KIAA0319L: variants seen among roughly 807,000 people sequenced by gnomAD.
The protein encoded by KIAA0319L is KIAA0319 like, also known as dyslexia-associated protein KIAA0319-like protein.
In KIAA0319L, 55 loss-of-function variants were observed where a neutral mutation model predicts 120.1. That is an observed-to-expected ratio of 0.46 (90% CI 0.37 to 0.57). The LOEUF (loss-of-function observed/expected upper bound fraction) is 0.57. Ranked by LOEUF, KIAA0319L falls within the 20% of genes least tolerant of loss-of-function variation. The pLI is 0.00. For synonymous variants in KIAA0319L, 398 were observed against 471.9 expected, an observed-to-expected ratio of 0.84 and a Z score of 2.03; for missense variants, 1,049 against 1,255.3, an observed-to-expected ratio of 0.84 and a Z score of 2.48.
chr1:35,435,432 A>C, intron 20 of KIAA0319L: 1 of 196,256 alleles, frequency 5.1e-6, no homozygotes, highest in Non-Finnish European at 1.0e-5. Flanking sequence ...GGGTGGAATG[A>C]CATGGTAGGC....
At chr1:35,542,512 T>C (rs6702503) in intron 2 of KIAA0319L, among the ~76,000 whole-genome samples, 35,090 of 152,058 alleles carry the variant, frequency 0.23, 8,635 homozygotes, top group African/African-American at 0.58. Context: ...ACCTTAACCA[T>C]ATGGGCTTTT....
intron 2 of KIAA0319L, among the ~76,000 whole-genome samples, chr1:35,551,954 T>C (rs1197086723): frequency 1.3e-5 from 2 of 152,076 alleles, no homozygotes; most frequent in African/African-American, 2.4e-5. Context: ...AAGTGCTAGA[T>C]TGGAAAGCAC....
chr1:35,440,798 C>T, intron 20 of KIAA0319L: 1 of 514,110 alleles, frequency 1.9e-6, no homozygotes, highest in Admixed American at 3.2e-5. Flanking sequence ...AGGAGAATGC[C>T]CAGGCAAAGG....
At chr1:35,528,113 G>C (rs1646225115) in intron 2 of KIAA0319L, among the ~76,000 whole-genome samples, 1 of 152,092 alleles carries the variant, frequency 6.6e-6, no homozygotes, top group African/African-American at 2.4e-5. Flanking sequence ...TTTGGAGACA[G>C]GGTCTAACTC....
At chr1:35,440,934 A>T in intron 20 of KIAA0319L, 113 bp downstream of exon 20, 1 of 878,182 alleles carries the variant, frequency 1.1e-6, no homozygotes, top group South Asian at 1.4e-5. Flanking sequence ...AGGGAACAAA[A>T]TGCTTTGCAA....
rs138233952 is a variant in KIAA0319L, at chr1:35,502,421, G to GTCATCA, written c.666+4185_666+4190dup. On this transcript the variant is annotated intron_variant, in intron 3 of 20. Coordinates refer to ENST00000325722, the MANE Select transcript of KIAA0319L (RefSeq NM_024874.5). ...TCAGTAAACATCAGTTATTGCTGCT[G>GTCATCA]TCATCATCATCATCATCATCATCAT... is the stretch of plus-strand genomic sequence containing the variant. Among the ~76,000 whole-genome samples the GTCATCA allele has an allele frequency of 2.3e-3, 346 of 149,936 alleles. 1 individual carries two copies. The highest frequency in any genetic ancestry group is 6.0e-3 in the East Asian group (30 of 5,004).
intron 10 of KIAA0319L, chr1:35,454,693 C>T: frequency 1.6e-6 from 2 of 1,250,664 alleles, no homozygotes; most frequent in African/African-American, 1.5e-5. Context: ...GGAAACAACC[C>T]TCTCTGACAC....
intron 2 of KIAA0319L, 61 bp from the exon 3 acceptor site, chr1:35,507,196 A>T (rs1306988065): frequency 2.7e-6 from 4 of 1,466,166 alleles, no homozygotes; most frequent in Non-Finnish European, 2.7e-6. Flanking sequence ...CTGCTCCATA[A>T]AGAGCCCTGA....
chr1:35,525,560 T>TG (rs1327594705), intron 2 of KIAA0319L, among the ~76,000 whole-genome samples: 23 of 152,362 alleles, frequency 1.5e-4, no homozygotes, highest in African/African-American at 5.3e-4. Context: ...GGTAAGATGA[T>TG]ATCTCATTGT....
chr1:35,493,945 C>T (rs1644698567), intron 3 of KIAA0319L, among the ~76,000 whole-genome samples: 1 of 152,152 alleles, frequency 6.6e-6, no homozygotes. Flanking sequence ...GAGAGATACA[C>T]TGTGCTCATG....
At chr1:35,502,314 A>G (rs1645038673) in intron 3 of KIAA0319L, among the ~76,000 whole-genome samples, 1 of 151,722 alleles carries the variant, frequency 6.6e-6, no homozygotes, top group Non-Finnish European at 1.5e-5. Context: ...GAACAGTAAT[A>G]GTAATTCACA....
intron 2 of KIAA0319L, among the ~76,000 whole-genome samples, chr1:35,536,970 TAA>T (rs1415927294): frequency 6.6e-6 from 1 of 152,022 alleles, no homozygotes; most frequent in Admixed American, 6.5e-5. Flanking sequence ...ACCTTATGAC[TAA>T]AAGACTCTGG....
chr1:35,467,739 A>T (rs1276750048), intron 6 of KIAA0319L, among the ~76,000 whole-genome samples: 4 of 151,720 alleles, frequency 2.6e-5, no homozygotes, highest in African/African-American at 9.7e-5. Context: ...CCCAGGCTGG[A>T]GAGCAGTGAT....
chr1:35,465,575 T>G (rs1643199340), intron 7 of KIAA0319L, among the ~76,000 whole-genome samples: 1 of 152,244 alleles, frequency 6.6e-6, no homozygotes, highest in Non-Finnish European at 1.5e-5. Context: ...TGTGGACTTT[T>G]CAGTTAATGC....
At chr1:35,484,961 C>T (rs1208701186) in intron 3 of KIAA0319L, among the ~76,000 whole-genome samples, 2 of 126,750 alleles carry the variant, frequency 1.6e-5, no homozygotes, top group Admixed American at 8.0e-5. Flanking sequence ...CCCCCTCCCC[C>T]GACCCCACCA....
chr1:35,458,037 G>A (rs1248356125), intron 9 of KIAA0319L, among the ~76,000 whole-genome samples: 3 of 152,132 alleles, frequency 2.0e-5, no homozygotes, highest in South Asian at 2.1e-4. Flanking sequence ...CTGGGTTCAC[G>A]CCATTCTCCT....
intron 3 of KIAA0319L, among the ~76,000 whole-genome samples, chr1:35,492,896 C>T (rs1644651477): frequency 1.3e-5 from 2 of 152,160 alleles, no homozygotes; most frequent in Admixed American, 1.3e-4. Context: ...TGGCGGCTCA[C>T]ATCTGTAATC....
At chr1:35,513,462 A>T (rs973196046) in intron 2 of KIAA0319L, among the ~76,000 whole-genome samples, 11 of 151,722 alleles carry the variant, frequency 7.3e-5, no homozygotes, top group East Asian at 5.8e-4. Context: ...TAAAAATTTT[A>T]AAAAATCAGC....
intron 2 of KIAA0319L, among the ~76,000 whole-genome samples, chr1:35,549,165 C>G (rs927016057): frequency 2.4e-4 from 37 of 152,056 alleles, no homozygotes; most frequent in Admixed American, 2.1e-3. Context: ...ATCCTCTCAT[C>G]TCAGCCTTTC....
Sources: gnomAD v4.1 joint callset for allele counts (sites outside exome capture counted in the v4.1 genomes callset) on GRCh38, gnomAD v4.1.1 for gene constraint, MANE v1.5 for transcripts, NCBI Gene and HGNC (gene_info 2026-07-23, HGNC 2026-07-21) for gene names.